Variants in CACNA2D1 observed in about 807,000 individuals in gnomAD.
The protein encoded by CACNA2D1 is voltage-dependent calcium channel subunit alpha-2/delta-1.
Under a neutral mutation model 171.5 loss-of-function variants are expected in CACNA2D1, and 53 were observed. The observed-to-expected ratio is 0.31, with a 90% confidence interval of 0.25 to 0.39. The LOEUF is 0.39. CACNA2D1 is among the 10% of genes least tolerant of loss of function. The probability of loss-of-function intolerance (pLI) is 1.00; values close to 1 mark genes in which losing one functional copy is unlikely to be tolerated. For synonymous variants in CACNA2D1, 442 were observed against 443.1 expected, an observed-to-expected ratio of 1.00 and a Z score of 0.03; for missense variants, 903 against 1,299.8, an observed-to-expected ratio of 0.69 and a Z score of 4.69.
intron 2 of CACNA2D1, among the ~76,000 whole-genome samples, chr7:82,343,571 T>C (rs1818921311): frequency 1.3e-5 from 2 of 152,208 alleles, no homozygotes; most frequent in Admixed American, 1.3e-4. Context: ...TTTAAGTTCA[T>C]GTTTAAGAAT....
chr7:82,087,666 C>A (rs1383654527), intron 6 of CACNA2D1, among the ~76,000 whole-genome samples: 3 of 151,928 alleles, frequency 2.0e-5, no homozygotes, highest in Non-Finnish European at 4.4e-5. Context: ...TTTTTCTGAT[C>A]CACATTATGC....
chr7:82,272,563 T>C (rs1370720768), intron 3 of CACNA2D1, among the ~76,000 whole-genome samples: 1 of 152,136 alleles, frequency 6.6e-6, no homozygotes, highest in Non-Finnish European at 1.5e-5. Flanking sequence ...GGAAGTTAGC[T>C]ACCATGGTTA....
intron 3 of CACNA2D1, among the ~76,000 whole-genome samples, chr7:82,277,644 C>T (rs770340699): frequency 1.2e-4 from 18 of 151,916 alleles, no homozygotes; most frequent in Non-Finnish European, 2.1e-4. Context: ...CAACCTCAAC[C>T]GGTTGTGTGA....
chr7:82,334,530 A>G (rs1043452064), intron 3 of CACNA2D1, among the ~76,000 whole-genome samples: 5 of 152,250 alleles, frequency 3.3e-5, no homozygotes, highest in African/African-American at 1.2e-4. Flanking sequence ...AAACATACAT[A>G]TAAATCATAC....
intron 4 of CACNA2D1, among the ~76,000 whole-genome samples, chr7:82,154,625 A>G (rs1234244684): frequency 1.3e-5 from 2 of 152,290 alleles, no homozygotes; most frequent in Non-Finnish European, 1.5e-5. Flanking sequence ...TGCACACAAA[A>G]AATACATGCT....
At chr7:81,952,885 G>A (rs1792772080) in intron 38 of CACNA2D1, among the ~76,000 whole-genome samples, 1 of 151,868 alleles carries the variant, frequency 6.6e-6, no homozygotes, top group Admixed American at 6.6e-5. Flanking sequence ...TGTCTCATAG[G>A]GATTTCAAAC....
chr7:82,235,489 T>C (rs537428592), intron 3 of CACNA2D1, among the ~76,000 whole-genome samples: 4 of 152,296 alleles, frequency 2.6e-5, no homozygotes, highest in African/African-American at 9.6e-5. Context: ...ATGATCCTTT[T>C]AAATTTCCAG....
At chr7:82,224,733 C>T (rs550378131) in intron 3 of CACNA2D1, among the ~76,000 whole-genome samples, 2 of 152,264 alleles carry the variant, frequency 1.3e-5, no homozygotes, top group South Asian at 4.1e-4. Context: ...GCTGTTTACT[C>T]GTCCCCAGGC....
chr7:81,956,599 G>GAAAACTATTCTTTTA (rs1444825091), intron 38 of CACNA2D1, among the ~76,000 whole-genome samples: 5 of 152,042 alleles, frequency 3.3e-5, no homozygotes, highest in African/African-American at 4.8e-5. Context: ...CTTTTGCCAT[G>GAAAACTATTCTTTTA]AAAACTATTC....
chr7:82,236,458 C>T (rs529932393), intron 3 of CACNA2D1, among the ~76,000 whole-genome samples: 2 of 152,048 alleles, frequency 1.3e-5, no homozygotes, highest in African/African-American at 2.4e-5. Flanking sequence ...CTCTCCTACA[C>T]GTTTTTCAAA....
chr7:82,434,516 A>C (rs1239746336), intron 1 of CACNA2D1, among the ~76,000 whole-genome samples: 1 of 150,134 alleles, frequency 6.7e-6, no homozygotes. Context: ...TGATCCTCTC[A>C]CTCCTCCCAC....
intron 3 of CACNA2D1, among the ~76,000 whole-genome samples, chr7:82,246,610 G>A (rs2129305758): frequency 6.6e-6 from 1 of 152,166 alleles, no homozygotes; most frequent in African/African-American, 2.4e-5. Flanking sequence ...TGAAGGGTAG[G>A]GGGCTAAGAG....
At chr7:82,301,046 ATTGAAT>A (rs1245663279) in intron 3 of CACNA2D1, among the ~76,000 whole-genome samples, 1 of 152,236 alleles carries the variant, frequency 6.6e-6, no homozygotes, top group Non-Finnish European at 1.5e-5. Flanking sequence ...TTACAGTTTC[ATTGAAT>A]TTGCATAAAA....
In CACNA2D1 at chr7:82,284,913, A is replaced by AT. The variant is rs557375712; in HGVS notation, c.294+50221dup. Among the ~76,000 whole-genome samples the AT allele has an allele frequency of 1.1e-3, 160 of 150,436 alleles. 2 individuals carry two copies. In the South Asian group the frequency reaches 0.016, roughly 15 times the overall value. ...ACAAAACTCAAATTTTTACGCATCC[A>AT]TTTTTTTTTTAAATAGCCCCAACAA... On this transcript the variant is annotated intron_variant, in intron 3 of 38. Transcript: ENST00000356860.
intron 3 of CACNA2D1, among the ~76,000 whole-genome samples, chr7:82,259,582 C>A (rs1317994103): frequency 2.6e-5 from 4 of 152,090 alleles, no homozygotes; most frequent in Non-Finnish European, 5.9e-5. Context: ...CTAAATACTA[C>A]AGAGTGATGA....
At chr7:81,997,372 A>C (rs1216270227) in intron 18 of CACNA2D1, 122 bp from the exon 19 acceptor site, 3 of 592,414 alleles carry the variant, frequency 5.1e-6, no homozygotes, top group African/African-American at 3.7e-5. Flanking sequence ...TAATTGTATA[A>C]AGGTATCTTC....
chr7:81,970,512 GAAAT>G (rs890239950), intron 27 of CACNA2D1, among the ~76,000 whole-genome samples, 159 bp downstream of exon 27: 2 of 151,468 alleles, frequency 1.3e-5, no homozygotes, highest in African/African-American at 2.4e-5. Context: ...ATTTTTCAGA[GAAAT>G]AAAATCTTTT....
At chr7:82,308,968 T>A (rs1398818664) in intron 3 of CACNA2D1, among the ~76,000 whole-genome samples, 2 of 152,216 alleles carry the variant, frequency 1.3e-5, no homozygotes, top group African/African-American at 4.8e-5. Flanking sequence ...GAAGGGCTAT[T>A]TGGAAGTTGG....
chr7:82,350,895 A>C (rs1819781185), intron 1 of CACNA2D1, among the ~76,000 whole-genome samples: 1 of 152,216 alleles, frequency 6.6e-6, no homozygotes, highest in South Asian at 2.1e-4. Context: ...TTAAAATATA[A>C]GCTATGGATG....
Sources: gnomAD v4.1 joint callset for allele counts (sites outside exome capture counted in the v4.1 genomes callset) on GRCh38, gnomAD v4.1.1 for gene constraint, MANE v1.5 for transcripts, NCBI Gene and HGNC (gene_info 2026-07-23, HGNC 2026-07-21) for gene names.